The following SLC26A8 variants were observed in gnomAD, a reference collection of about 807,000 sequenced individuals.
SLC26A8 encodes the protein testis anion transporter 1.
A neutral mutation model predicts 105.0 loss-of-function variants in SLC26A8; 70 were observed. The ratio of observed to expected loss-of-function variants is 0.67; its 90% CI spans 0.55 to 0.81. SLC26A8 has a LOEUF of 0.81. SLC26A8 is among the 40% of genes least tolerant of loss of function. The pLI, the probability that SLC26A8 is intolerant of heterozygous loss-of-function variation, is 0.00. For synonymous variants in SLC26A8, 415 were observed against 438.3 expected, an observed-to-expected ratio of 0.95 and a Z score of 0.66; for missense variants, 998 against 1,181.8, an observed-to-expected ratio of 0.84 and a Z score of 2.28.
At chr6:35,972,296 C>T (rs1048252240) in intron 10 of SLC26A8, among the ~76,000 whole-genome samples, 4 of 151,710 alleles carry the variant, frequency 2.6e-5, no homozygotes, top group Middle Eastern at 6.8e-3. Flanking sequence ...GGTTGGCGCA[C>T]GGTGGCTCAT....
At chr6:35,995,897 G>T (rs766633438) in intron 5 of SLC26A8, among the ~76,000 whole-genome samples, 1 of 152,096 alleles carries the variant, frequency 6.6e-6, no homozygotes, top group African/African-American at 2.4e-5. Flanking sequence ...AAGGTTGCTT[G>T]TGTATTTTGT....
At chr6:36,020,340 A>G (rs1762099412) in intron 1 of SLC26A8, among the ~76,000 whole-genome samples, 1 of 152,232 alleles carries the variant, frequency 6.6e-6, no homozygotes, top group Non-Finnish European at 1.5e-5. Context: ...CAGGCCCTTA[A>G]CAAGTGTTTC....
chr6:35,968,936 C>T lies in SLC26A8; in HGVS notation c.1306G>A (p.Ala436Thr), dbSNP rs575429225. 9.3e-6 allele frequency: 15 copies of T among 1,612,114 alleles called. No individual in the cohort carries two copies. The highest frequency in any genetic ancestry group is 6.7e-5 in the African/African-American group (5 of 74,684). ...ACCATCAGGAGCAGCATCACACCTG[C>T]GCCTACCAGAGATGCAAACTGAGGA... ...GRQQFASLVG[A>T]GVMLLLMVKM... The change falls in exon 11 of 20, where the codon GCA becomes ACA. Residue 436 changes from alanine to threonine, a missense_variant. Physicochemically the swap from Ala to Thr is moderately conservative, Grantham distance 58 (BLOSUM62 0). Coordinates refer to ENST00000490799, the MANE Select transcript of SLC26A8 (RefSeq NM_052961.4).
At chr6:35,968,445 T>C (rs1032216792) in intron 11 of SLC26A8, among the ~76,000 whole-genome samples, 2 of 150,850 alleles carry the variant, frequency 1.3e-5, no homozygotes, top group Non-Finnish European at 3.0e-5. Flanking sequence ...ATCCCAGTTA[T>C]ACGGTGTATA....
chr6:35,962,170 G>T (rs1039513280), intron 12 of SLC26A8, among the ~76,000 whole-genome samples: 72 of 151,922 alleles, frequency 4.7e-4, no homozygotes, highest in Admixed American at 3.4e-3. Context: ...AGGTTGCAGT[G>T]GGCTGAGATC....
At chr6:35,951,569 G>C in intron 17 of SLC26A8, 70 bp from the exon 18 acceptor site, 1 of 1,550,284 alleles carries the variant, frequency 6.5e-7, no homozygotes, top group Non-Finnish European at 8.9e-7. Context: ...AATTAGCTAA[G>C]TTTTTGTCTT....
intron 11 of SLC26A8, among the ~76,000 whole-genome samples, chr6:35,964,662 T>G (rs982668020): frequency 3.3e-5 from 5 of 150,994 alleles, no homozygotes; most frequent in African/African-American, 1.2e-4. Context: ...AAAAAAATCT[T>G]AAATCTAGAA....
intron 10 of SLC26A8, among the ~76,000 whole-genome samples, chr6:35,972,866 C>CA (rs1227415180): frequency 9.9e-5 from 15 of 152,218 alleles, no homozygotes; most frequent in Non-Finnish European, 1.6e-4. Context: ...TTCCCAGAAT[C>CA]AATGAGTGCA....
In SLC26A8 at chr6:35,955,195, A is replaced by G. The variant is rs758229360; in HGVS notation, c.2189T>C (p.Met730Thr). Residue 730 changes from methionine (M) to threonine (T), a missense_variant, in exon 17 of 20, where the codon ATG (methionine) becomes ACG (threonine). Met to Thr is a moderately conservative substitution (Grantham distance 81). Coordinates refer to ENST00000490799, the MANE Select transcript of SLC26A8 (RefSeq NM_052961.4). ...SVHTIILDFS[M>T]VHYVDSRGLV... ...CCCCCGTGAATCCACGTAGTGTACCATGGAGAAATCCAGGATGATGGTGTG... is the reference window on the plus strand; with the variant it reads ...CCCCCGTGAATCCACGTAGTGTACCGTGGAGAAATCCAGGATGATGGTGTG... The G allele has an allele frequency of 6.2e-7, 1 of 1,614,134 alleles. No individual in the cohort carries two copies. Among genetic ancestry groups the G allele is most frequent in the South Asian group, 1.1e-5 (1 of 91,080 alleles).
At chr6:35,997,959 T>A in intron 4 of SLC26A8, 40 bp from the exon 5 acceptor site, 1 of 1,589,024 alleles carries the variant, frequency 6.3e-7, no homozygotes, top group Non-Finnish European at 8.6e-7. Context: ...AAGTTTCAAG[T>A]CCAGGTAAAC....
intron 7 of SLC26A8, among the ~76,000 whole-genome samples, chr6:35,991,175 T>A (rs1761139321): frequency 6.6e-6 from 1 of 152,010 alleles, no homozygotes; most frequent in South Asian, 2.1e-4. Flanking sequence ...CCGAGACAGG[T>A]GGATCACCTG....
intron 1 of SLC26A8, among the ~76,000 whole-genome samples, chr6:36,019,988 T>C (rs1204140006): frequency 6.6e-6 from 1 of 152,202 alleles, no homozygotes; most frequent in Non-Finnish European, 1.5e-5. Flanking sequence ...GGCCTAGTTT[T>C]CTTTATATTC....
chr6:35,963,306 C>T (rs1772385674), intron 11 of SLC26A8, among the ~76,000 whole-genome samples: 1 of 152,160 alleles, frequency 6.6e-6, no homozygotes, highest in Admixed American at 6.5e-5. Context: ...ATATCTCAAA[C>T]TGGCATGTGA....
chr6:35,968,581 A>ATG (rs1772614508), intron 11 of SLC26A8, among the ~76,000 whole-genome samples: 1 of 123,778 alleles, frequency 8.1e-6, no homozygotes, highest in Non-Finnish European at 1.6e-5. Context: ...AAATATACAT[A>ATG]TGTGTGTATG....
At chr6:36,024,005 G>T (rs879586005) in intron 1 of SLC26A8, among the ~76,000 whole-genome samples, 1 of 151,948 alleles carries the variant, frequency 6.6e-6, no homozygotes, top group Non-Finnish European at 1.5e-5. Context: ...ATTGGGGTGG[G>T]GGTGCTGGAG....
chr6:35,996,996 T>C (rs1761373119), intron 5 of SLC26A8, among the ~76,000 whole-genome samples: 1 of 151,554 alleles, frequency 6.6e-6, no homozygotes, highest in Non-Finnish European at 1.5e-5. Context: ...GATTGTCCCA[T>C]TGCACTACAG....
At chr6:36,019,767 C>T in intron 1 of SLC26A8, 58 bp from the exon 2 acceptor site, 1 of 1,441,740 alleles carries the variant, frequency 6.9e-7, no homozygotes, top group Non-Finnish European at 9.3e-7. Context: ...AGATCCTCGG[C>T]ATATTTTTAA....
In SLC26A8 at chr6:35,968,930, C is replaced by T. The variant is rs775569144; in HGVS notation, c.1312G>A (p.Val438Met). The T allele has an allele frequency of 6.2e-6, 10 of 1,612,308 alleles. No individual in the cohort carries two copies. In the South Asian group the frequency reaches 6.6e-5, roughly 11 times the overall value. Reference protein sequence around the residue: ...QQFASLVGAGVMLLLMVKMGH... With the variant: ...QQFASLVGAGMMLLLMVKMGH... Reference sequence around the variant, plus strand: ...ATCTTCACCATCAGGAGCAGCATCACACCTGCGCCTACCAGAGATGCAAAC... The same window carrying T: ...ATCTTCACCATCAGGAGCAGCATCATACCTGCGCCTACCAGAGATGCAAAC... The change falls in exon 11 of 20, where the codon GTG (valine) becomes ATG (methionine). Residue 438 changes from valine to methionine, a missense_variant. Transcript: ENST00000490799.
Position 35,951,210 on chromosome 6 carries a change from C to T in SLC26A8, c.2425G>A (p.Asp809Asn), listed in dbSNP as rs114153657. ...TCCCGTATCACTGTCTCGGATTCAT[C>T]GATGCTTAACTCAGAGGAGCCTATG... is the stretch of plus-strand genomic sequence containing the variant. ...KVIGSSELSIDESETVIRETY... is the reference protein window; with the variant it reads ...KVIGSSELSINESETVIRETY... Residue 809 changes from aspartate to asparagine, a missense_variant, in exon 19 of 20, where the codon GAT (aspartate) becomes AAT (asparagine). By Grantham distance (23) the Asp-to-Asn change is conservative. Transcript: ENST00000490799. 7.9e-4 allele frequency: 1,269 copies of T among 1,612,634 alleles called. 11 individuals are homozygous for T. The African/African-American group carries it at 0.014, about 18-fold the overall frequency.
Sources: gnomAD v4.1 joint callset for allele counts (sites outside exome capture counted in the v4.1 genomes callset) on GRCh38, gnomAD v4.1.1 for gene constraint, MANE v1.5 for transcripts, NCBI Gene and HGNC (gene_info 2026-07-23, HGNC 2026-07-21) for gene names.